The following DLC1 variants were observed in gnomAD, a reference collection of about 807,000 sequenced individuals.
The protein encoded by DLC1 is DLC1 Rho GTPase activating protein.
In DLC1, 54 loss-of-function variants were observed where a neutral mutation model predicts 140.3. The observed-to-expected ratio is 0.38, with a 90% CI of 0.31 to 0.48. The LOEUF (loss-of-function observed/expected upper bound fraction) is 0.48, where lower values mean the gene tolerates loss of function less well. DLC1 is among the 20% of genes least tolerant of loss of function. DLC1 has a pLI of 0.96. For missense variants in DLC1, 2,536 were observed against 1,907.0 expected (o/e 1.33, Z -6.14); for synonymous variants, 986 against 728.1 (o/e 1.35, Z -5.70).
At chr8:13,266,076 C>T (rs1335451985) in intron 5 of DLC1, among the ~76,000 whole-genome samples, 2 of 152,044 alleles carry the variant, frequency 1.3e-5, no homozygotes, top group Non-Finnish European at 2.9e-5. Context: ...CACTGAAGGA[C>T]TAAAGGAAAC....
intron 1 of DLC1, among the ~76,000 whole-genome samples, chr8:13,552,584 A>C (rs372184123): frequency 2.0e-5 from 3 of 151,524 alleles, no homozygotes; most frequent in South Asian, 4.2e-4. Flanking sequence ...AGTTATATAA[A>C]TGACTAATTA....
chr8:13,168,702 G>A (rs1003628517), intron 5 of DLC1, among the ~76,000 whole-genome samples: 1 of 152,206 alleles, frequency 6.6e-6, no homozygotes, highest in African/African-American at 2.4e-5. Flanking sequence ...AGAAACAATT[G>A]GCTGTTTTGC....
chr8:13,213,529 T>C (rs1828045797), intron 5 of DLC1, among the ~76,000 whole-genome samples: 1 of 152,208 alleles, frequency 6.6e-6, no homozygotes, highest in South Asian at 2.1e-4. Flanking sequence ...TATATGCTAC[T>C]TTAAAAAACA....
chr8:13,127,945 G>A (rs896347114), intron 5 of DLC1, among the ~76,000 whole-genome samples: 1 of 152,012 alleles, frequency 6.6e-6, no homozygotes, highest in African/African-American at 2.4e-5. Flanking sequence ...ATTTTTCCCC[G>A]ACGGGGGAAG....
At position 13,099,403 on chromosome 8, in the gene DLC1, G is replaced by C; in HGVS notation, c.2934C>G (p.Ser978=). The C allele has an allele frequency of 6.2e-7, 1 of 1,614,096 alleles. No individual in the cohort carries two copies. The highest frequency in any genetic ancestry group is 8.5e-7 in the Non-Finnish European group (1 of 1,180,010). Residue 978 remains serine, a synonymous_variant, in exon 9 of 18, where the codon TCC becomes TCG. Coordinates refer to ENST00000276297, the MANE Select transcript of DLC1 (RefSeq NM_182643.3). ...GNSLNEPEEP[S]EIPERRDSGV... is the part of the protein sequence containing the mutation. ...CAGAATCCCTTCTTTCCGGGATCTC[G>C]GAGGGCTCTTCCGGTTCATTCAGGG...
chr8:13,452,074 A>G (rs1229959564), intron 2 of DLC1, among the ~76,000 whole-genome samples: 3 of 152,090 alleles, frequency 2.0e-5, no homozygotes, highest in African/African-American at 7.2e-5. Context: ...TTTGACATCC[A>G]ATTTTATTTG....
At chr8:13,456,471 A>AT (rs1168310321) in intron 2 of DLC1, among the ~76,000 whole-genome samples, 1 of 147,282 alleles carries the variant, frequency 6.8e-6, no homozygotes, top group Non-Finnish European at 1.5e-5. Flanking sequence ...TTTTATTTTT[A>AT]TTTTTTGAGA....
intron 5 of DLC1, among the ~76,000 whole-genome samples, chr8:13,172,095 C>T (rs1442115206): frequency 6.6e-6 from 1 of 152,190 alleles, no homozygotes; most frequent in Non-Finnish European, 1.5e-5. Context: ...TGGCATTATT[C>T]TTACGATAAC....
intron 16 of DLC1, among the ~76,000 whole-genome samples, chr8:13,087,225 C>A (rs2460360): frequency 1 from 151,575 of 152,308 alleles, 75,427 homozygotes; most frequent in Middle Eastern, 1. Context: ...AATATGGTGA[C>A]ACCATGTCTC....
chr8:13,576,292 C>G (rs1804833921), intron 1 of DLC1, among the ~76,000 whole-genome samples: 1 of 152,148 alleles, frequency 6.6e-6, no homozygotes, highest in Non-Finnish European at 1.5e-5. Flanking sequence ...GCTAAAGCCT[C>G]TACAGTGAAG....
At position 13,298,786 on chromosome 8, in the gene DLC1, G is replaced by A. The variant is rs563291971; in HGVS notation, c.1348+6483C>T. On this transcript the variant is annotated intron_variant, in intron 5 of 17. Transcript: ENST00000276297. ...ACTATGCTCACTACTTGAGTGACGGGGAAAGCTGGACCCCAAACATCTGCA... is the reference window on the plus strand; with the variant it reads ...ACTATGCTCACTACTTGAGTGACGGAGAAAGCTGGACCCCAAACATCTGCA... Among the ~76,000 whole-genome samples the A allele has an allele frequency of 5.9e-5, 9 of 152,238 alleles. No homozygotes were observed. In the South Asian group the frequency reaches 1.7e-3, roughly 28 times the overall value.
intron 5 of DLC1, among the ~76,000 whole-genome samples, chr8:13,218,359 G>T (rs1828312607): frequency 6.6e-6 from 1 of 152,100 alleles, no homozygotes; most frequent in Non-Finnish European, 1.5e-5. Flanking sequence ...GACACCAAAA[G>T]CATGAACAAC....
At chr8:13,459,374 T>C (rs1316969310) in intron 2 of DLC1, among the ~76,000 whole-genome samples, 1 of 152,194 alleles carries the variant, frequency 6.6e-6, no homozygotes, top group African/African-American at 2.4e-5. Context: ...TTCCAAGCCA[T>C]GGCTTTCTTC....
chr8:13,167,715 T>G (rs1825201647), intron 5 of DLC1, among the ~76,000 whole-genome samples: 1 of 152,238 alleles, frequency 6.6e-6, no homozygotes, highest in Non-Finnish European at 1.5e-5. Flanking sequence ...ATCAGTCACT[T>G]AATTCTGGGC....
intron 2 of DLC1, among the ~76,000 whole-genome samples, chr8:13,449,945 T>C (rs1798963730): frequency 1.3e-5 from 2 of 152,072 alleles, no homozygotes; most frequent in African/African-American, 4.8e-5. Context: ...AATTTTCAAT[T>C]AGGTGATAGC....
At chr8:13,579,022 C>T (rs965556778) in intron 1 of DLC1, among the ~76,000 whole-genome samples, 1 of 151,424 alleles carries the variant, frequency 6.6e-6, no homozygotes, top group Admixed American at 6.6e-5. Context: ...ATCCAGAAGC[C>T]CACAAGCAAT....
At chr8:13,133,399 A>C (rs910680652) in intron 5 of DLC1, 1 of 749,864 alleles carries the variant, frequency 1.3e-6, no homozygotes, top group African/African-American at 2.2e-5. Flanking sequence ...CGCAGGCCTT[A>C]GCGACGGGCT....
At chr8:13,411,950 A>G (rs1479375836) in intron 2 of DLC1, among the ~76,000 whole-genome samples, 1 of 152,184 alleles carries the variant, frequency 6.6e-6, no homozygotes, top group Non-Finnish European at 1.5e-5. Context: ...TTCATCTGCA[A>G]GAGAAAAGGA....
chr8:13,350,381 C>G (rs559170672), intron 4 of DLC1, among the ~76,000 whole-genome samples: 7 of 151,982 alleles, frequency 4.6e-5, no homozygotes, highest in African/African-American at 1.7e-4. Context: ...TTTTCCAAGA[C>G]TATAAGCTCC....
Sources: gnomAD v4.1 joint callset for allele counts (sites outside exome capture counted in the v4.1 genomes callset) on GRCh38, gnomAD v4.1.1 for gene constraint, MANE v1.5 for transcripts, NCBI Gene and HGNC (gene_info 2026-07-23, HGNC 2026-07-21) for gene names.